Variants in CLCN6 observed in about 807,000 individuals in gnomAD.
CLCN6 encodes Cl-/H+ antiporter 6.
In CLCN6, 70 loss-of-function variants were observed where a neutral mutation model predicts 109.8. The ratio of observed to expected loss-of-function variants is 0.64; its 90% confidence interval spans 0.53 to 0.78. The LOEUF (loss-of-function observed/expected upper bound fraction) is 0.78, where lower values mean the gene tolerates loss of function less well. CLCN6 is among the 30% of genes least tolerant of loss of function. CLCN6 has a pLI of 0.00. For missense variants in CLCN6, 984 were observed against 1,142.3 expected (o/e 0.86, Z 2.00); for synonymous variants, 444 against 447.8 (o/e 0.99, Z 0.11).
At position 11,838,319 on chromosome 1, in the gene CLCN6, T is replaced by G. The variant is rs560894915; in HGVS notation, c.2296-16T>G. The G allele has an allele frequency of 1.2e-6, 2 of 1,611,970 alleles. No homozygotes were observed. The highest frequency in any genetic ancestry group is 2.7e-5 in the African/African-American group (2 of 75,038). ...CTGCTGCCTGAGCACGGACAGTGTC[T>G]GGGTTGGAATTGCAGAGCGCCAGCC... On this transcript the variant is annotated splice_polypyrimidine_tract_variant and intron_variant, in intron 20 of 22. Transcript: ENST00000346436.
chr1:11,806,227 T>C lies in CLCN6; in HGVS notation c.-36T>C. The C allele has an allele frequency of 1.4e-6, 2 of 1,400,978 alleles. No homozygotes were observed. The highest frequency in any genetic ancestry group is 3.5e-5 in the South Asian group (2 of 56,880). 86.8% of individuals were successfully genotyped at this position (1,400,978 alleles called of 1,614,324 possible). Reference sequence around the variant, plus strand: ...GCGCAGATCCTGGCTGGGAGGGGGTTGGTAGAGGGGTCCAGAGTGGCAGTA... The same window carrying C: ...GCGCAGATCCTGGCTGGGAGGGGGTCGGTAGAGGGGTCCAGAGTGGCAGTA... On this transcript the variant is annotated 5_prime_UTR_variant, in exon 1 of 23. Coordinates refer to ENST00000346436, the MANE Select transcript of CLCN6 (RefSeq NM_001286.5).
Position 11,840,600 on chromosome 1 carries a change from G to C in CLCN6, c.*377G>C, listed in dbSNP as rs768792697. The C allele has an allele frequency of 1.9e-5, 6 of 322,532 alleles. No homozygotes were observed. The highest frequency in any genetic ancestry group is 3.6e-5 in the Non-Finnish European group (6 of 165,628). The allele number at this position is 322,532 out of a possible 1,614,324, so 20.0% of individuals were successfully genotyped here. A position where few individuals can be genotyped will look rare whatever the true frequency, so the allele number is the denominator to read the frequency against. On this transcript the variant is annotated 3_prime_UTR_variant, in exon 23 of 23. Coordinates refer to ENST00000346436, the MANE Select transcript of CLCN6 (RefSeq NM_001286.5). ...TGCTACTTTCCTAGAGAACCCGGCT[G>C]TTGCCTTAAATGTGTGAGAGGGACT...
intron 13 of CLCN6, 68 bp from the exon 14 acceptor site, chr1:11,833,447 G>C: frequency 1.3e-6 from 2 of 1,547,354 alleles, no homozygotes; most frequent in South Asian, 1.1e-5. Context: ...GGACCCGGCT[G>C]GAGACATCCC....
In CLCN6 at chr1:11,838,661, G is replaced by A; in HGVS notation, c.2529+1G>A. ...GCCCGTGGTGAACGCTGTGGGAGAG[G>A]TGAGCGAGGCCCCGGCCCTGCCCCC... On this transcript the variant is annotated splice_donor_variant, in intron 22 of 22. Coordinates refer to ENST00000346436, the MANE Select transcript of CLCN6 (RefSeq NM_001286.5). LOFTEE classifies it high-confidence loss of function. 6.2e-7 allele frequency: 1 copy of A among 1,614,200 alleles called. No individual in the cohort carries two copies. The highest frequency in any genetic ancestry group is 1.1e-5 in the South Asian group (1 of 91,080).
chr1:11,812,236 G>T (rs544302776), intron 2 of CLCN6, among the ~76,000 whole-genome samples: 1 of 152,318 alleles, frequency 6.6e-6, no homozygotes. Flanking sequence ...ACACAGAAAT[G>T]CTACTTACAT....
chr1:11,836,377 A>G (rs1173483834), intron 18 of CLCN6, among the ~76,000 whole-genome samples: 1 of 152,228 alleles, frequency 6.6e-6, no homozygotes, highest in Non-Finnish European at 1.5e-5. Context: ...GCATGTGGAC[A>G]GATCTGTTTT....
In CLCN6 at chr1:11,834,183, C is replaced by T. The variant is rs1405150919; in HGVS notation, c.1527-53C>T. 6.3e-7 allele frequency: 1 copy of T among 1,596,602 alleles called. No individual in the cohort carries two copies. ...AAGAGTATGAGCTGTAGGTCCTCCC[C>T]ACAGCCTATCAGTGTGGTTCAAAGC... On this transcript the variant is annotated intron_variant, in intron 15 of 22. Transcript: ENST00000346436. The surrounding 1 kb of genome is among the most constrained non-coding windows in gnomAD (Gnocchi z 4.5).
At chr1:11,839,765 C>G (rs1428918722) in intron 22 of CLCN6, among the ~76,000 whole-genome samples, 1 of 152,246 alleles carries the variant, frequency 6.6e-6, no homozygotes, top group Non-Finnish European at 1.5e-5. Flanking sequence ...ACAAATGACT[C>G]CCATAGGTCA....
rs771431841 is a variant in CLCN6, at chr1:11,834,582, A to G, written c.1785A>G (p.Glu595=). Reference sequence around the variant, plus strand: ...TTCTGGAATGGGAGACAGAGGTGGAAATGGACAAGTAAGGCCATGATTTTG... The same window carrying G: ...TTCTGGAATGGGAGACAGAGGTGGAGATGGACAAGTAAGGCCATGATTTTG... The part of the protein sequence containing the change: ...VPLLEWETEV[E]MDKLRASDIM... The change falls in exon 17 of 23, where the codon GAA becomes GAG. Residue 595 remains glutamate (E), a synonymous_variant. Coordinates refer to ENST00000346436, the MANE Select transcript of CLCN6 (RefSeq NM_001286.5). The surrounding 1 kb of genome is among the most constrained non-coding windows in gnomAD (Gnocchi z 4.5). 6.8e-6 allele frequency: 11 copies of G among 1,613,740 alleles called. No individual in the cohort carries two copies. In the Admixed American group the frequency reaches 1.8e-4, roughly 27 times the overall value.
chr1:11,806,993 G>T (rs1288815008), intron 1 of CLCN6, 138 bp from the exon 2 acceptor site: 3 of 731,436 alleles, frequency 4.1e-6, no homozygotes, highest in South Asian at 1.8e-5. Context: ...CCCCTGAAAG[G>T]TTTTTTTTGA....
rs368133635 is a variant in CLCN6 at position 11,837,448 on chromosome 1, G to A, written c.2244G>A (p.Ser748=). The change falls in exon 20 of 23, where the codon TCG becomes TCA. Residue 748 remains serine (S), a synonymous_variant. Transcript: ENST00000346436. ...PLTFHGLILR[S]QLVTLLVRGV... ...CCTTCCACGGCCTGATCCTTCGGTC[G>A]CAGCTTGTCACCCTGCTTGTCCGAG... The A allele has an allele frequency of 6.6e-5, 107 of 1,614,124 alleles. No homozygotes were observed. The highest frequency in any genetic ancestry group is 8.2e-5 in the Non-Finnish European group (97 of 1,179,998).
rs999091085 is a variant in CLCN6 at position 11,834,368 on chromosome 1, C to T, written c.1659C>T (p.Tyr553=). 25 of 1,613,962 alleles carry T rather than the reference C, an allele frequency of 1.5e-5. No individual in the cohort carries two copies. The Admixed American group carries it at 3.2e-4, about 20-fold the overall frequency. The change falls in exon 16 of 23, where the codon TAC becomes TAT. Residue 553 remains tyrosine (Y), a synonymous_variant. Coordinates refer to ENST00000346436, the MANE Select transcript of CLCN6 (RefSeq NM_001286.5). This position sits in a 1 kb window ranked among gnomAD's most constrained non-coding sequence, Gnocchi z 4.5. ...TCGAGTCCACCAATGAGATCACCTA[C>T]GGGCTCCCCATCATGGTCACACTGA... The part of the protein sequence containing the change: ...ILIESTNEIT[Y]GLPIMVTLMV...
At chr1:11,839,936 C>T (rs1267525588) in intron 22 of CLCN6, among the ~76,000 whole-genome samples, 1 of 152,212 alleles carries the variant, frequency 6.6e-6, no homozygotes, top group African/African-American at 2.4e-5. Flanking sequence ...TGCCAGCTGG[C>T]CCAAGCCCTT....
chr1:11,827,046 TG>T, intron 9 of CLCN6, 42 bp from the exon 10 acceptor site: 1 of 1,605,000 alleles, frequency 6.2e-7, no homozygotes. Flanking sequence ...TTTTGGGGGC[TG>T]GGGGCTCTTT....
At chr1:11,827,352 G>C (rs1245827271) in intron 10 of CLCN6, 131 bp downstream of exon 10, 3 of 911,002 alleles carry the variant, frequency 3.3e-6, no homozygotes, top group African/African-American at 1.7e-5. Context: ...CTTTCCTCTT[G>C]TGCCCATAAC....
At position 11,834,048 on chromosome 1, in the gene CLCN6, G is replaced by T. The variant is rs368466623; in HGVS notation, c.1526+18G>T. The T allele has an allele frequency of 8.2e-5, 133 of 1,612,222 alleles. No homozygotes were observed. The highest frequency in any genetic ancestry group is 1.1e-4 in the Non-Finnish European group (132 of 1,179,070). On this transcript the variant is annotated intron_variant, in intron 15 of 22. Transcript: ENST00000346436. This position sits in a 1 kb window ranked among gnomAD's most constrained non-coding sequence, Gnocchi z 4.5. The stretch of plus-strand genomic sequence containing the variant: ...CTAAAAAGGTACTCTGTGTGTGTGC[G>T]TGTGTGTGCGCATGTGCATGTGTGT...
intron 22 of CLCN6, chr1:11,839,064 T>C (rs1182713058): frequency 1.7e-6 from 1 of 595,910 alleles, no homozygotes; most frequent in African/African-American, 1.9e-5. Context: ...CTGCAGACTT[T>C]CCTTTTTTCT....
Position 11,837,380 on chromosome 1 carries a change from C to A in CLCN6, c.2176C>A (p.Pro726Thr). 6.2e-7 allele frequency: 1 copy of A among 1,614,024 alleles called. No individual in the cohort carries two copies. Among genetic ancestry groups the A allele is most frequent in the Non-Finnish European group, 8.5e-7 (1 of 1,179,862 alleles). ...PYPNLYPDQS[P>T]SEDWTMEERF... ...CCCCAACCTATACCCTGACCAGTCC[C>A]CAAGTGAAGACTGGACCATGGAGGA... The change falls in exon 20 of 23, where the codon CCA (proline) becomes ACA (threonine). Residue 726 changes from proline to threonine, a missense_variant. Transcript: ENST00000346436.
intron 19 of CLCN6, 65 bp downstream of exon 19, chr1:11,837,221 C>T: frequency 1.9e-6 from 3 of 1,600,238 alleles, no homozygotes; most frequent in Admixed American, 1.7e-5. Context: ...GCCTTTGGCT[C>T]AGATGTTGTG....
Sources: allele counts gnomAD v4.1 joint callset (sites outside exome capture counted in the v4.1 genomes callset), GRCh38; gene constraint gnomAD v4.1.1; non-coding constraint Gnocchi (gnomAD v3.1); transcripts MANE v1.5; gene names NCBI Gene and HGNC (gene_info 2026-07-23, HGNC 2026-07-21).